Variants in TRIM55 observed in about 807,000 individuals in gnomAD.
The protein encoded by TRIM55 is tripartite motif-containing protein 55.
Under a neutral mutation model 60.9 loss-of-function variants are expected in TRIM55, and 50 were observed. That is an observed-to-expected ratio of 0.82 (90% CI 0.65 to 1.04). The LOEUF (loss-of-function observed/expected upper bound fraction) is 1.04. Among genes scored for constraint, TRIM55 ranks in the 50% least tolerant of loss-of-function variants. The pLI is 0.00. For synonymous variants in TRIM55, 237 were observed against 238.1 expected, an observed-to-expected ratio of 1.00 and a Z score of 0.04; for missense variants, 681 against 666.9, an observed-to-expected ratio of 1.02 and a Z score of -0.23.
chr8:66,137,278 A>G (rs1011225156), intron 4 of TRIM55, 88 bp downstream of exon 4: 2 of 913,428 alleles, frequency 2.2e-6, no homozygotes, highest in African/African-American at 3.3e-5. Flanking sequence ...AGACATCCCT[A>G]TTCTGACCTT....
intron 9 of TRIM55, among the ~76,000 whole-genome samples, chr8:66,158,915 G>A (rs1450399723): frequency 1.3e-5 from 2 of 152,158 alleles, no homozygotes; most frequent in South Asian, 2.1e-4. Context: ...CTCTGAAGTC[G>A]CCTAAAGTTA....
At chr8:66,157,054 G>A (rs1006054944) in intron 9 of TRIM55, among the ~76,000 whole-genome samples, 2 of 152,184 alleles carry the variant, frequency 1.3e-5, no homozygotes, top group African/African-American at 2.4e-5. Flanking sequence ...GAAGGGTTCT[G>A]TTTACATTCT....
chr8:66,147,747 A>G (rs1472507810), intron 4 of TRIM55, among the ~76,000 whole-genome samples: 1 of 147,262 alleles, frequency 6.8e-6, no homozygotes, highest in Non-Finnish European at 1.5e-5. Context: ...GTGAGCCGAG[A>G]TCGCGCCATT....
chr8:66,147,497 TA>T (rs112577255), intron 4 of TRIM55, among the ~76,000 whole-genome samples: 4,567 of 149,578 alleles, frequency 0.031, 83 homozygotes, highest in Non-Finnish European at 0.046. Context: ...TGAAACACAT[TA>T]AAAAAAAAAT....
chr8:66,158,753 A>G (rs965719607), intron 9 of TRIM55, among the ~76,000 whole-genome samples: 3 of 152,230 alleles, frequency 2.0e-5, no homozygotes, highest in African/African-American at 7.2e-5. Context: ...TGCATTTCTC[A>G]AAGTACATTT....
chr8:66,147,665 T>G (rs1004639658), intron 4 of TRIM55, among the ~76,000 whole-genome samples: 2 of 151,690 alleles, frequency 1.3e-5, no homozygotes, highest in Non-Finnish European at 2.9e-5. Context: ...CAAGGTGGCA[T>G]GTGCCTGTAA....
chr8:66,117,789 T>C, the TRIM55 span, among the ~76,000 whole-genome samples: 1 of 152,282 alleles, frequency 6.6e-6, no homozygotes, highest in Admixed American at 6.5e-5. Context: ...TGGGAAGACC[T>C]TGGGCTAAAG....
intron 9 of TRIM55, 92 bp downstream of exon 9, chr8:66,154,426 G>C: frequency 7.3e-7 from 1 of 1,374,764 alleles, no homozygotes; most frequent in East Asian, 2.4e-5. Context: ...GGTTTTCAAA[G>C]GGGCAGAGAG....
chr8:66,127,810 GGGCAACA>G (rs1808903743), intron 1 of TRIM55, among the ~76,000 whole-genome samples: 1 of 152,134 alleles, frequency 6.6e-6, no homozygotes, highest in African/African-American at 2.4e-5. Flanking sequence ...CCTCCGGCCT[GGGCAACA>G]GAGCAAGACT....
chr8:66,123,299 C>T (rs7838125), upstream of TRIM55, among the ~76,000 whole-genome samples: 26,311 of 152,162 alleles, frequency 0.17, 3,851 homozygotes, highest in African/African-American at 0.41. Flanking sequence ...TCTTATGTCT[C>T]CCTGAAACTT....
rs185637945 is a variant in TRIM55, at chr8:66,175,100, A to G, written c.*507A>G. On this transcript the variant is annotated 3_prime_UTR_variant, in exon 10 of 10. Coordinates refer to ENST00000315962, the MANE Select transcript of TRIM55 (RefSeq NM_184085.2). ...GACCAAAGCTATGAAATGTTTCACA[A>G]AGTTTTCCTCTTTTGCATAACAGAT... The G allele has an allele frequency of 6.5e-6, 1 of 152,804 alleles. No individual in the cohort carries two copies. The highest frequency in any genetic ancestry group is 1.9e-4 in the East Asian group (1 of 5,196). 9.5% of individuals were successfully genotyped at this position (152,804 alleles called of 1,614,324 possible).
chr8:66,114,064 C>T, the TRIM55 span, among the ~76,000 whole-genome samples: 4 of 141,928 alleles, frequency 2.8e-5, no homozygotes, highest in Non-Finnish European at 6.0e-5. Flanking sequence ...TGGTTCGATT[C>T]CGGCTCGAAG....
chr8:66,130,014 C>A (rs1046796874), intron 2 of TRIM55, among the ~76,000 whole-genome samples: 20 of 152,198 alleles, frequency 1.3e-4, no homozygotes, highest in African/African-American at 4.8e-4. Flanking sequence ...GATTAAGCAA[C>A]ACCACAAATA....
chr8:66,122,514 G>A (rs1271234495), upstream of TRIM55, among the ~76,000 whole-genome samples: 1 of 152,056 alleles, frequency 6.6e-6, no homozygotes, highest in Admixed American at 6.5e-5. Flanking sequence ...ACCTCCTGAG[G>A]CCGTGTCACA....
At chr8:66,171,134 A>G (rs923985802) in intron 9 of TRIM55, among the ~76,000 whole-genome samples, 1 of 152,194 alleles carries the variant, frequency 6.6e-6, no homozygotes, top group Non-Finnish European at 1.5e-5. Context: ...GGTTTGTTAC[A>G]TAGGTAAACT....
chr8:66,154,193 A>G lies in TRIM55; in HGVS notation c.1383A>G (p.Pro461=). The G allele has an allele frequency of 1.2e-6, 2 of 1,614,070 alleles. No individual in the cohort carries two copies. The highest frequency in any genetic ancestry group is 1.3e-5 in the African/African-American group (1 of 75,000). ...RKATTNPPCT[P]GSEGLGQIGP... is the part of the protein sequence containing the mutation. ...CCACCACCAACCCACCTTGCACCCC[A>G]GGGAGCGAAGGTCTGGGGCAAATAG... Residue 461 remains proline (P), a synonymous_variant, in exon 9 of 10, where the codon CCA becomes CCG. Coordinates refer to ENST00000315962, the MANE Select transcript of TRIM55 (RefSeq NM_184085.2).
At chr8:66,174,012 A>G (rs906180112) in intron 9 of TRIM55, among the ~76,000 whole-genome samples, 1 of 152,148 alleles carries the variant, frequency 6.6e-6, no homozygotes, top group African/African-American at 2.4e-5. Context: ...AAACTTCTTC[A>G]GCAGTGGAGG....
chr8:66,113,416 C>CT, the TRIM55 span: 1 of 433,234 alleles, frequency 2.3e-6, no homozygotes. Flanking sequence ...ACTTCCTCAG[C>CT]AGGAGACATC....
intron 3 of TRIM55, among the ~76,000 whole-genome samples, chr8:66,135,498 G>C (rs1010920952): frequency 6.6e-6 from 1 of 152,208 alleles, no homozygotes; most frequent in African/African-American, 2.4e-5. Flanking sequence ...AACTGCTCCA[G>C]CTTATGTGAA....
Sources: allele counts gnomAD v4.1 joint callset (sites outside exome capture counted in the v4.1 genomes callset), GRCh38; gene constraint gnomAD v4.1.1; transcripts MANE v1.5; gene names NCBI Gene and HGNC (gene_info 2026-07-23, HGNC 2026-07-21).